The following NHSL1 variants were observed in gnomAD, a reference collection of about 807,000 sequenced individuals.
NHSL1 encodes the protein NHS-like protein 1.
In NHSL1, 48 loss-of-function variants were observed where a neutral mutation model predicts 95.0. The ratio of observed to expected loss-of-function variants is 0.51; its 90% confidence interval spans 0.40 to 0.64. The LOEUF is 0.64. Among genes scored for constraint, NHSL1 ranks in the 30% least tolerant of loss-of-function variants. The pLI, the probability that NHSL1 is intolerant of heterozygous loss-of-function variation, is 0.00. For missense variants in NHSL1, 1,971 were observed against 2,077.7 expected (o/e 0.95, Z 1.00); for synonymous variants, 783 against 833.9 (o/e 0.94, Z 1.05).
intron 2 of NHSL1, among the ~76,000 whole-genome samples, chr6:138,485,766 G>A (rs1200482910): frequency 2.6e-5 from 4 of 152,032 alleles, no homozygotes; most frequent in Admixed American, 2.0e-4. Context: ...GGTTTCACCC[G>A]GCTGGGCAAC....
At chr6:138,434,420 A>G (rs2128204865) in intron 5 of NHSL1, among the ~76,000 whole-genome samples, 1 of 152,178 alleles carries the variant, frequency 6.6e-6, no homozygotes, top group Admixed American at 6.5e-5. Context: ...TAAAAAAAAA[A>G]AAAGACAGAA....
intron 1 of NHSL1, among the ~76,000 whole-genome samples, chr6:138,605,238 G>C (rs151125154): frequency 5.3e-5 from 8 of 151,786 alleles, no homozygotes; most frequent in African/African-American, 1.9e-4. Flanking sequence ...TTTTTTGTTT[G>C]TTTTTGAGAC....
chr6:138,662,529 T>A (rs1223136301), intron 1 of NHSL1, among the ~76,000 whole-genome samples: 1 of 152,200 alleles, frequency 6.6e-6, no homozygotes, highest in African/African-American at 2.4e-5. Context: ...CTGGGGCTAG[T>A]CCTTTGGTCT....
chr6:138,648,272 G>A (rs1220967659), intron 1 of NHSL1, among the ~76,000 whole-genome samples: 1 of 150,710 alleles, frequency 6.6e-6, no homozygotes, highest in African/African-American at 2.4e-5. Context: ...AAAACTTAAT[G>A]GCTTAAAAAA....
chr6:138,617,477 G>A (rs1784595977), intron 1 of NHSL1, among the ~76,000 whole-genome samples: 2 of 152,086 alleles, frequency 1.3e-5, no homozygotes, highest in Admixed American at 1.3e-4. Flanking sequence ...CTAATTCAAA[G>A]GCATCAAGTA....
chr6:138,521,679 G>T (rs1244302304), intron 1 of NHSL1, among the ~76,000 whole-genome samples: 1 of 152,140 alleles, frequency 6.6e-6, no homozygotes, highest in Non-Finnish European at 1.5e-5. Context: ...AGAGTTTTTT[G>T]CTGAAGGTGC....
intron 1 of NHSL1, among the ~76,000 whole-genome samples, chr6:138,544,572 G>A (rs530970655): frequency 2.6e-5 from 4 of 152,284 alleles, no homozygotes; most frequent in African/African-American, 9.6e-5. Context: ...CAGAATCCAC[G>A]TCTATACCTC....
chr6:138,684,467 A>G (rs747719897), intron 1 of NHSL1, among the ~76,000 whole-genome samples: 15 of 151,922 alleles, frequency 9.9e-5, no homozygotes, highest in East Asian at 3.9e-4. Flanking sequence ...CCAACATGGC[A>G]AAACCCCATC....
In NHSL1 at chr6:138,466,291, T is replaced by G. The variant is rs190125900; in HGVS notation, c.339+7015A>C. Among the ~76,000 whole-genome samples the G allele has an allele frequency of 5.1e-4, 77 of 152,116 alleles. 2 individuals are homozygous for G. The East Asian group carries it at 0.014, about 28-fold the overall frequency. On this transcript the variant is annotated intron_variant, in intron 3 of 7. Transcript: ENST00000343505. ...CTCCTGACCTTGTGATCCACCCGCC[T>G]CAGCCTCCCGAAGTGCTGGGATTAC...
chr6:138,595,272 G>C (rs1169456626), intron 1 of NHSL1, among the ~76,000 whole-genome samples: 3 of 152,220 alleles, frequency 2.0e-5, no homozygotes, highest in African/African-American at 4.8e-5. Context: ...AAGAGGAAGA[G>C]AGTTAAAAGT....
At chr6:138,580,344 A>C (rs1784034205) in intron 1 of NHSL1, among the ~76,000 whole-genome samples, 1 of 152,162 alleles carries the variant, frequency 6.6e-6, no homozygotes. Context: ...AACATACTGC[A>C]AAAAAAGAAA....
At chr6:138,478,762 A>C (rs2128255992) in intron 2 of NHSL1, among the ~76,000 whole-genome samples, 1 of 152,304 alleles carries the variant, frequency 6.6e-6, no homozygotes, top group African/African-American at 2.4e-5. Context: ...AAACTGTGTT[A>C]TTGTTCTCAC....
chr6:138,586,718 G>A (rs1281109639), intron 1 of NHSL1, among the ~76,000 whole-genome samples: 2 of 152,182 alleles, frequency 1.3e-5, no homozygotes, highest in African/African-American at 2.4e-5. Flanking sequence ...GGGAGAGTGT[G>A]AAAGAGGGGA....
upstream of NHSL1, among the ~76,000 whole-genome samples, chr6:138,573,598 G>A (rs1430580581): frequency 6.6e-6 from 1 of 152,182 alleles, no homozygotes; most frequent in Non-Finnish European, 1.5e-5. Context: ...TCTACAAAGT[G>A]TTACTAAGAT....
intron 1 of NHSL1, among the ~76,000 whole-genome samples, chr6:138,646,737 G>T (rs1238206389): frequency 1.3e-5 from 2 of 152,136 alleles, no homozygotes; most frequent in African/African-American, 2.4e-5. Context: ...AAATGTGAGG[G>T]TCTGTCCTCC....
intron 1 of NHSL1, among the ~76,000 whole-genome samples, chr6:138,597,609 CACCTA>C (rs1784318751): frequency 1.3e-5 from 2 of 152,136 alleles, no homozygotes; most frequent in African/African-American, 4.8e-5. Flanking sequence ...TATCACTGAC[CACCTA>C]ACCGCTTGTA....
At chr6:138,559,272 A>G (rs1327043576) in intron 1 of NHSL1, among the ~76,000 whole-genome samples, 1 of 152,218 alleles carries the variant, frequency 6.6e-6, no homozygotes, top group Admixed American at 6.5e-5. Context: ...AGACATTGCT[A>G]TTCATGGGCT....
intron 1 of NHSL1, among the ~76,000 whole-genome samples, chr6:138,656,952 C>T (rs895969945): frequency 1.1e-4 from 16 of 152,128 alleles, no homozygotes. Flanking sequence ...TTGGTTTCTC[C>T]CTTCTCATTC....
At chr6:138,640,664 A>G (rs1784948333) in intron 1 of NHSL1, among the ~76,000 whole-genome samples, 1 of 152,226 alleles carries the variant, frequency 6.6e-6, no homozygotes, top group Non-Finnish European at 1.5e-5. Context: ...AATCCGTGTC[A>G]ATTGACTATG....
Sources: allele counts gnomAD v4.1 joint callset (sites outside exome capture counted in the v4.1 genomes callset), GRCh38; gene constraint gnomAD v4.1.1; transcripts MANE v1.5; gene names NCBI Gene and HGNC (gene_info 2026-07-23, HGNC 2026-07-21).